Variants in ITGA8 observed in about 807,000 individuals in gnomAD.
ITGA8 encodes integrin alpha-8.
A neutral mutation model predicts 142.3 loss-of-function variants in ITGA8; 91 were observed. That is an observed-to-expected ratio of 0.64 (90% CI 0.54 to 0.76). The LOEUF (loss-of-function observed/expected upper bound fraction) is 0.76, where lower values mean the gene tolerates loss of function less well. Among genes scored for constraint, ITGA8 ranks in the 30% least tolerant of loss-of-function variants. The probability of loss-of-function intolerance (pLI) is 0.00; values close to 1 mark genes in which losing one functional copy is unlikely to be tolerated. For missense variants in ITGA8, 1,406 were observed against 1,327.7 expected, an observed-to-expected ratio of 1.06 and a Z score of -0.92; for synonymous variants, 505 against 485.2, an observed-to-expected ratio of 1.04 and a Z score of -0.54.
chr10:15,672,353 T>G (rs1834539642), intron 7 of ITGA8, among the ~76,000 whole-genome samples: 1 of 152,224 alleles, frequency 6.6e-6, no homozygotes, highest in Non-Finnish European at 1.5e-5. Context: ...GTAGCAGCCC[T>G]GCTAATACAT....
intron 13 of ITGA8, among the ~76,000 whole-genome samples, chr10:15,637,892 A>G (rs1833801863): frequency 6.6e-6 from 1 of 152,074 alleles, no homozygotes; most frequent in Non-Finnish European, 1.5e-5. Context: ...GTGTACATAC[A>G]TATATAGTAC....
intron 28 of ITGA8, among the ~76,000 whole-genome samples, chr10:15,523,152 T>G (rs2131533385): frequency 6.6e-6 from 1 of 152,304 alleles, no homozygotes; most frequent in East Asian, 1.9e-4. Context: ...AATTGTTAGC[T>G]TAATAAAAAG....
intron 11 of ITGA8, among the ~76,000 whole-genome samples, chr10:15,652,447 A>ATTTT (rs58299147): frequency 1.4e-5 from 2 of 145,484 alleles, no homozygotes; most frequent in Non-Finnish European, 3.0e-5. Context: ...CCACAGTGGG[A>ATTTT]TTTTTTTTTT....
chr10:15,682,773 C>A (rs1437875911), intron 4 of ITGA8, among the ~76,000 whole-genome samples: 1 of 151,074 alleles, frequency 6.6e-6, no homozygotes, highest in East Asian at 2.0e-4. Flanking sequence ...ATTGCTTGAG[C>A]CCAGGAAGTC....
chr10:15,592,786 G>A (rs563035763), intron 21 of ITGA8, among the ~76,000 whole-genome samples: 9 of 152,140 alleles, frequency 5.9e-5, no homozygotes, highest in African/African-American at 1.9e-4. Flanking sequence ...TTTGTTATTC[G>A]TAGAGACAGA....
At chr10:15,540,804 A>G (rs1405920975) in intron 27 of ITGA8, among the ~76,000 whole-genome samples, 1 of 152,180 alleles carries the variant, frequency 6.6e-6, no homozygotes, top group Non-Finnish European at 1.5e-5. Flanking sequence ...CCTGGTATAG[A>G]CAGGATGAAG....
At position 15,545,686 on chromosome 10, in the gene ITGA8, T is replaced by G. The variant is rs549565100; in HGVS notation, c.2880+2769A>C. ...CCAACCTACTGCTTAGTTTGCCTGT[T>G]TTTTTTTTTAGCTTTTTATAAATGG... On this transcript the variant is annotated intron_variant, in intron 27 of 29. Coordinates refer to ENST00000378076, the MANE Select transcript of ITGA8 (RefSeq NM_003638.3). Among the ~76,000 whole-genome samples, 49 of 7,046 alleles carry G rather than the reference T, an allele frequency of 7.0e-3. 1 individual carries two copies. The South Asian group carries it at 0.47, about 67-fold the overall frequency. The allele number at this position is 7,046 out of a possible 152,430, so 4.6% of individuals were successfully genotyped here.
intron 25 of ITGA8, among the ~76,000 whole-genome samples, chr10:15,565,607 TGAGACA>T (rs1834064592): frequency 7.6e-6 from 1 of 130,940 alleles, no homozygotes. Context: ...TTTTTTTTTT[TGAGACA>T]GAGTCTTGCT....
intron 12 of ITGA8, 92 bp downstream of exon 12, chr10:15,646,754 A>G (rs1833987229): frequency 3.4e-6 from 3 of 879,630 alleles, no homozygotes; most frequent in Non-Finnish European, 5.4e-6. Flanking sequence ...CTGCACCCAC[A>G]CACACCATAC....
chr10:15,604,167 A>G, intron 20 of ITGA8, 41 bp downstream of exon 20: 1 of 1,573,762 alleles, frequency 6.4e-7, no homozygotes, highest in East Asian at 2.3e-5. Flanking sequence ...GACTTCAAAA[A>G]TATACCTAGC....
chr10:15,594,308 G>A (rs1832977625), intron 21 of ITGA8, among the ~76,000 whole-genome samples: 1 of 151,708 alleles, frequency 6.6e-6, no homozygotes. Flanking sequence ...TGATTCTATG[G>A]GCTGGGCCAG....
rs1834269744 is a variant in ITGA8, at chr10:15,575,481, A to G, written c.2478+8T>C. On this transcript the variant is annotated splice_region_variant and intron_variant, in intron 24 of 29. Coordinates refer to ENST00000378076, the MANE Select transcript of ITGA8 (RefSeq NM_003638.3). ...CCCTAACACAACTTTAACACAGACAATGGCTACCTCATAAATATGTTCCAC... is the reference window on the plus strand; with the variant it reads ...CCCTAACACAACTTTAACACAGACAGTGGCTACCTCATAAATATGTTCCAC... The G allele has an allele frequency of 6.3e-7, 1 of 1,595,328 alleles. No homozygotes were observed. The highest frequency in any genetic ancestry group is 8.6e-7 in the Non-Finnish European group (1 of 1,162,998).
chr10:15,539,382 C>T (rs1833522234), intron 27 of ITGA8, among the ~76,000 whole-genome samples: 1 of 152,120 alleles, frequency 6.6e-6, no homozygotes, highest in South Asian at 2.1e-4. Context: ...ATGACTCTTC[C>T]CCAGGTTAAG....
At chr10:15,649,983 AT>A (rs1184896560) in intron 11 of ITGA8, among the ~76,000 whole-genome samples, 1 of 152,224 alleles carries the variant, frequency 6.6e-6, no homozygotes, top group Non-Finnish European at 1.5e-5. Flanking sequence ...ACATACAAAA[AT>A]ATGCACAAAA....
chr10:15,584,019 G>A (rs1834464944), intron 23 of ITGA8, among the ~76,000 whole-genome samples: 1 of 152,182 alleles, frequency 6.6e-6, no homozygotes, highest in South Asian at 2.1e-4. Context: ...AAAAAAGGCT[G>A]GGTGTGATGG....
chr10:15,619,638 A>G (rs1223779043), intron 13 of ITGA8, among the ~76,000 whole-genome samples: 2 of 152,232 alleles, frequency 1.3e-5, no homozygotes, highest in Non-Finnish European at 2.9e-5. Context: ...TTCTATCAGA[A>G]TTTCAATTTT....
chr10:15,671,146 G>C (rs939661517), intron 8 of ITGA8, among the ~76,000 whole-genome samples: 1 of 152,202 alleles, frequency 6.6e-6, no homozygotes, highest in African/African-American at 2.4e-5. Context: ...AGGAGATAGG[G>C]ATTCGTTTGT....
chr10:15,674,485 C>T (rs931738932), intron 6 of ITGA8, among the ~76,000 whole-genome samples: 5 of 152,094 alleles, frequency 3.3e-5, no homozygotes, highest in East Asian at 1.9e-4. Context: ...GAAAACCTTC[C>T]GTAAATATAA....
chr10:15,703,736 C>G (rs369404991), intron 2 of ITGA8, among the ~76,000 whole-genome samples: 11 of 152,148 alleles, frequency 7.2e-5, no homozygotes, highest in African/African-American at 2.7e-4. Context: ...TCTCATCTGT[C>G]CATCCCAGAG....
Sources: allele counts gnomAD v4.1 joint callset (sites outside exome capture counted in the v4.1 genomes callset), GRCh38; gene constraint gnomAD v4.1.1; transcripts MANE v1.5; gene names NCBI Gene and HGNC (gene_info 2026-07-23, HGNC 2026-07-21).